LMLN: variants seen among roughly 807,000 people sequenced by gnomAD.
LMLN encodes leishmanolysin like peptidase.
In LMLN, 70 loss-of-function variants were observed where a neutral mutation model predicts 92.3. The observed-to-expected ratio is 0.76, with a 90% CI of 0.63 to 0.92. The LOEUF is 0.92. Among genes scored for constraint, LMLN ranks in the 40% least tolerant of loss-of-function variants. The pLI is 0.00. For missense variants in LMLN, 691 were observed against 814.6 expected (o/e 0.85, Z 1.85); for synonymous variants, 308 against 296.2 (o/e 1.04, Z -0.41).
intron 7 of LMLN, 91 bp from the exon 8 acceptor site, chr3:197,985,705 T>C (rs1325025217): frequency 1.3e-6 from 1 of 764,862 alleles, no homozygotes; most frequent in African/African-American, 1.7e-5. Context: ...GCTTCTACGT[T>C]CCCGTTAGTA....
At chr3:198,039,377 C>G (rs1384573597) in exon 16 of LMLN, 1 of 152,184 alleles carries the variant, frequency 6.6e-6, no homozygotes, top group Non-Finnish European at 1.5e-5. Context: ...AGATCTTGTC[C>G]TCAAAAGTAT....
At position 198,025,184 on chromosome 3, in the gene LMLN, C is replaced by T. The variant is rs898939641; in HGVS notation, c.1656+396C>T. Among the ~76,000 whole-genome samples the T allele has an allele frequency of 6.6e-6, 1 of 152,080 alleles. No individual in the cohort carries two copies. Among genetic ancestry groups the T allele is most frequent in the Non-Finnish European group, 1.5e-5 (1 of 68,006 alleles). On this transcript the variant is annotated intron_variant, in intron 14 of 15. Coordinates refer to ENST00000330198, the Ensembl canonical transcript of LMLN. The surrounding 1 kb of genome is among the most constrained non-coding windows in gnomAD (Gnocchi z 4.3). The stretch of plus-strand genomic sequence containing the variant: ...GACGTGGTGGCTCACGCCTGTAATC[C>T]CAGCACTTTGGGAGGCTGAGCCAGG...
chr3:197,961,148 T>C (rs1264917076), intron 1 of LMLN, among the ~76,000 whole-genome samples: 2 of 152,232 alleles, frequency 1.3e-5, no homozygotes, highest in African/African-American at 4.8e-5. Flanking sequence ...CTGTACTCCC[T>C]CCTGGCATTT....
At chr3:198,027,844 A>G (rs1212839480) in intron 14 of LMLN, among the ~76,000 whole-genome samples, 2 of 152,146 alleles carry the variant, frequency 1.3e-5, no homozygotes, top group Non-Finnish European at 2.9e-5. Flanking sequence ...TATCTGTCTG[A>G]GTCCCTATTT....
rs1275074030 is a variant in LMLN, at chr3:198,031,335, T to A, written c.1657-4498T>A. On this transcript the variant is annotated intron_variant, in intron 14 of 15. Coordinates refer to ENST00000330198, the Ensembl canonical transcript of LMLN. The surrounding 1 kb of genome is among the most constrained non-coding windows in gnomAD (Gnocchi z 4.8). ...ATATTGGTGATAAAAATGTTTGTTTTCTCCTGGAAAAGGAAGGGTATTATT... is the reference window on the plus strand; with the variant it reads ...ATATTGGTGATAAAAATGTTTGTTTACTCCTGGAAAAGGAAGGGTATTATT... Among the ~76,000 whole-genome samples the A allele has an allele frequency of 6.6e-6, 1 of 152,200 alleles. No homozygotes were observed. Among genetic ancestry groups the A allele is most frequent in the Non-Finnish European group, 1.5e-5 (1 of 68,042 alleles).
intron 12 of LMLN, among the ~76,000 whole-genome samples, chr3:198,020,728 G>A (rs1381709854): frequency 6.7e-6 from 1 of 149,622 alleles, no homozygotes; most frequent in African/African-American, 2.5e-5. Flanking sequence ...CAAGTAGCTG[G>A]GACTACAGGT....
chr3:197,972,013 T>A (rs1330337570), intron 1 of LMLN, among the ~76,000 whole-genome samples: 1 of 149,158 alleles, frequency 6.7e-6, no homozygotes, highest in African/African-American at 2.5e-5. Context: ...TGTCTAGATC[T>A]ATCTTCAAGT....
At chr3:198,006,142 C>T (rs1438340020) in intron 11 of LMLN, among the ~76,000 whole-genome samples, 1 of 152,070 alleles carries the variant, frequency 6.6e-6, no homozygotes, top group Non-Finnish European at 1.5e-5. Context: ...ACAGCAACAA[C>T]AAAAATGTTA....
intron 11 of LMLN, among the ~76,000 whole-genome samples, chr3:198,015,658 C>T (rs1275905038): frequency 3.6e-5 from 5 of 140,788 alleles, no homozygotes; most frequent in Admixed American, 7.2e-5. Flanking sequence ...CCCTTCAGAG[C>T]CCCCTAACTA....
At chr3:197,995,246 C>T (rs1721985123) in intron 9 of LMLN, among the ~76,000 whole-genome samples, 1 of 152,148 alleles carries the variant, frequency 6.6e-6, no homozygotes, top group South Asian at 2.1e-4. Context: ...TCACATAATA[C>T]ATACAATATA....
rs191796142 is a variant in LMLN, at chr3:197,973,793, A to C, written c.220-584A>C. Among the ~76,000 whole-genome samples the C allele has an allele frequency of 2.0e-5, 3 of 152,338 alleles. No homozygotes were observed. In the East Asian group the frequency reaches 5.8e-4, roughly 29 times the overall value. ...TATAAAAATAAAAATGTGGTTGTCC[A>C]TTGCTGGAATTATATGAGTGAGATA... On this transcript the variant is annotated intron_variant, in intron 1 of 15. Coordinates refer to ENST00000330198, the Ensembl canonical transcript of LMLN.
chr3:197,960,359 G>T (rs1213713409), exon 1 of LMLN: 1 of 1,613,972 alleles, frequency 6.2e-7, no homozygotes. Flanking sequence ...TGTTGGGCGG[G>T]CTCCGGGCCA....
chr3:197,970,612 G>A (rs2109849080), intron 1 of LMLN, among the ~76,000 whole-genome samples: 1 of 152,272 alleles, frequency 6.6e-6, no homozygotes, highest in Admixed American at 6.5e-5. Flanking sequence ...CAAAATTTCA[G>A]CCACTGAAAT....
chr3:197,974,971 T>G, intron 2 of LMLN, 71 bp from the exon 3 acceptor site: 1 of 1,019,492 alleles, frequency 9.8e-7, no homozygotes, highest in East Asian at 2.4e-5. Context: ...CCCATTTTTA[T>G]GGTTATTTCT....
At chr3:197,972,368 T>C (rs1721254300) in intron 1 of LMLN, among the ~76,000 whole-genome samples, 1 of 152,154 alleles carries the variant, frequency 6.6e-6, no homozygotes, top group Non-Finnish European at 1.5e-5. Context: ...CCGGCCCCAA[T>C]GAATTTTTCA....
intron 1 of LMLN, among the ~76,000 whole-genome samples, chr3:197,970,569 TC>T (rs914978723): frequency 1.3e-5 from 2 of 152,106 alleles, no homozygotes; most frequent in African/African-American, 4.8e-5. Flanking sequence ...ATTCTTAGAG[TC>T]CAGGGTTTTT....
At chr3:198,014,656 A>G (rs1722565322) in intron 11 of LMLN, among the ~76,000 whole-genome samples, 1 of 134,100 alleles carries the variant, frequency 7.5e-6, no homozygotes, top group Admixed American at 7.4e-5. Context: ...CACCCTTCAG[A>G]GTCCCCTTAA....
chr3:197,966,206 C>T (rs1307457830), intron 1 of LMLN, among the ~76,000 whole-genome samples: 1 of 152,122 alleles, frequency 6.6e-6, no homozygotes, highest in Non-Finnish European at 1.5e-5. Flanking sequence ...TCATGCCCGG[C>T]TAATTTTTGT....
intron 1 of LMLN, among the ~76,000 whole-genome samples, chr3:197,971,034 G>C (rs965730937): frequency 2.6e-5 from 4 of 152,148 alleles, no homozygotes; most frequent in African/African-American, 9.7e-5. Context: ...ATTGGATATA[G>C]ACTTCTGTGT....
Sources: allele counts gnomAD v4.1 joint callset (sites outside exome capture counted in the v4.1 genomes callset), GRCh38; gene constraint gnomAD v4.1.1; non-coding constraint Gnocchi (gnomAD v3.1); transcripts MANE v1.5; gene names NCBI Gene and HGNC (gene_info 2026-07-23, HGNC 2026-07-21).